FRMD4A: variants seen among roughly 807,000 people sequenced by gnomAD.
The protein encoded by FRMD4A is FERM domain-containing protein 4A.
In FRMD4A, 29 loss-of-function variants were observed where a neutral mutation model predicts 129.1. The observed-to-expected ratio is 0.22, with a 90% CI of 0.17 to 0.31. The LOEUF is 0.31. Ranked by LOEUF, FRMD4A falls within the 10% of genes least tolerant of loss-of-function variation. FRMD4A has a pLI of 1.00. For missense variants in FRMD4A, 1,272 were observed against 1,375.8 expected, an observed-to-expected ratio of 0.92 and a Z score of 1.19; for synonymous variants, 634 against 571.6, an observed-to-expected ratio of 1.11 and a Z score of -1.56.
intron 2 of FRMD4A, among the ~76,000 whole-genome samples, chr10:14,109,898 G>A (rs1180780727): frequency 6.6e-6 from 1 of 151,262 alleles, no homozygotes; most frequent in Non-Finnish European, 1.5e-5. Flanking sequence ...CTTGAACCGG[G>A]AGGCAGAGGT....
intron 15 of FRMD4A, among the ~76,000 whole-genome samples, chr10:13,681,260 T>C (rs886465878): frequency 6.6e-6 from 1 of 152,210 alleles, no homozygotes; most frequent in African/African-American, 2.4e-5. Context: ...TGGAAGGGTG[T>C]GTCTCATCAT....
At chr10:13,889,076 C>T (rs551389894) in intron 2 of FRMD4A, among the ~76,000 whole-genome samples, 38 of 152,332 alleles carry the variant, frequency 2.5e-4, no homozygotes, top group South Asian at 1.4e-3. Context: ...CAAACACACA[C>T]GCACCAGCAT....
intron 2 of FRMD4A, among the ~76,000 whole-genome samples, chr10:14,307,781 C>A (rs1369222547): frequency 6.6e-6 from 1 of 152,122 alleles, no homozygotes; most frequent in African/African-American, 2.4e-5. Context: ...GCTCCACGAA[C>A]GATAAGGGAA....
At chr10:13,717,390 A>G (rs1056432380) in intron 12 of FRMD4A, among the ~76,000 whole-genome samples, 1 of 152,120 alleles carries the variant, frequency 6.6e-6, no homozygotes, top group South Asian at 2.1e-4. Context: ...CTCGGTTCAG[A>G]GCAACCTCTA....
At chr10:13,890,497 G>A in intron 2 of FRMD4A, 2 of 972,376 alleles carry the variant, frequency 2.1e-6, no homozygotes, top group Non-Finnish European at 2.4e-6. Context: ...AGGTGGAAGG[G>A]GGGTACCAGC....
chr10:13,960,103 C>T lies in FRMD4A; in HGVS notation c.46-101191G>A, dbSNP rs776928017. 7.9e-5 allele frequency among the ~76,000 whole-genome samples: 12 copies of T among 152,158 alleles called. 1 individual carries two copies. Among genetic ancestry groups the T allele is most frequent in the Admixed American group, 7.9e-4 (12 of 15,280 alleles). On this transcript the variant is annotated intron_variant, in intron 2 of 24. Coordinates refer to ENST00000357447, the MANE Select transcript of FRMD4A (RefSeq NM_018027.5). ...CAGGGCTGTTTAGATTTCTAGGAAC[C>T]ACTATCTCTGTGAACTTCACTCTGC...
At chr10:13,716,159 C>T (rs531661136) in intron 12 of FRMD4A, among the ~76,000 whole-genome samples, 5 of 152,106 alleles carry the variant, frequency 3.3e-5, no homozygotes, top group Non-Finnish European at 7.3e-5. Flanking sequence ...CCCATTCATT[C>T]GTTTGTGCTG....
intron 2 of FRMD4A, among the ~76,000 whole-genome samples, chr10:13,922,342 C>T (rs1450123782): frequency 1.3e-5 from 2 of 151,460 alleles, no homozygotes; most frequent in African/African-American, 2.4e-5. Flanking sequence ...TAAAGACAGG[C>T]AATGGTCTTT....
At chr10:14,249,632 G>A (rs1472141636) in intron 2 of FRMD4A, among the ~76,000 whole-genome samples, 1 of 152,178 alleles carries the variant, frequency 6.6e-6, no homozygotes, top group Non-Finnish European at 1.5e-5. Context: ...TCACTTACAG[G>A]AATGTCACTG....
chr10:14,229,491 T>C (rs750740511), intron 2 of FRMD4A, among the ~76,000 whole-genome samples: 12 of 152,184 alleles, frequency 7.9e-5, no homozygotes, highest in Non-Finnish European at 1.2e-4. Context: ...TGTACTCTTA[T>C]GATTTGAGCA....
At position 13,827,875 on chromosome 10, in the gene FRMD4A, T is replaced by C. The variant is rs2093727261; in HGVS notation, c.112-16967A>G. ...TCCTGCCTGCTTCGGGGAGCCCTGC[T>C]CTTTAATGCTGGGCTCAACTGCTGT... On this transcript the variant is annotated intron_variant, in intron 3 of 24. Coordinates refer to ENST00000357447, the MANE Select transcript of FRMD4A (RefSeq NM_018027.5). 2.0e-5 allele frequency among the ~76,000 whole-genome samples: 3 copies of C among 152,212 alleles called. No homozygotes were observed. The South Asian group carries it at 6.2e-4, about 31-fold the overall frequency.
chr10:14,156,871 T>C (rs142940818), intron 2 of FRMD4A, among the ~76,000 whole-genome samples: 38 of 152,334 alleles, frequency 2.5e-4, no homozygotes, highest in African/African-American at 8.9e-4. Context: ...CATCCTTTGT[T>C]AGTCTATCAA....
intron 3 of FRMD4A, among the ~76,000 whole-genome samples, chr10:13,850,419 AGGAAG>A (rs2094124965): frequency 6.6e-6 from 1 of 152,220 alleles, no homozygotes; most frequent in Non-Finnish European, 1.5e-5. Flanking sequence ...GGAAAGTGAC[AGGAAG>A]GCGACCATTA....
intron 2 of FRMD4A, among the ~76,000 whole-genome samples, chr10:14,329,788 G>T (rs963381109): frequency 1.3e-5 from 2 of 152,146 alleles, no homozygotes; most frequent in Admixed American, 6.5e-5. Flanking sequence ...AATCTATTTC[G>T]AGGGGCTCTT....
chr10:14,019,858 A>G (rs184538740), intron 2 of FRMD4A, among the ~76,000 whole-genome samples: 458 of 152,312 alleles, frequency 3.0e-3, no homozygotes, highest in African/African-American at 8.7e-3. Context: ...ATTTAATCCA[A>G]TGAGAAATGT....
At chr10:14,065,376 G>T (rs1846065646) in intron 2 of FRMD4A, among the ~76,000 whole-genome samples, 1 of 152,068 alleles carries the variant, frequency 6.6e-6, no homozygotes. Context: ...GTAGAGACAG[G>T]GTTTCACCAT....
chr10:13,918,825 G>T (rs567000988), intron 2 of FRMD4A, among the ~76,000 whole-genome samples: 1 of 151,194 alleles, frequency 6.6e-6, no homozygotes, highest in Middle Eastern at 3.4e-3. Context: ...ATCATGCCCC[G>T]CCAGTCAATA....
At chr10:14,222,825 T>A (rs1429206812) in intron 2 of FRMD4A, among the ~76,000 whole-genome samples, 2 of 152,210 alleles carry the variant, frequency 1.3e-5, no homozygotes, top group Non-Finnish European at 2.9e-5. Flanking sequence ...CTCATGCCTG[T>A]AATCCCAGCA....
At chr10:13,720,388 T>A (rs1343621105) in intron 12 of FRMD4A, among the ~76,000 whole-genome samples, 1 of 152,128 alleles carries the variant, frequency 6.6e-6, no homozygotes, top group African/African-American at 2.4e-5. Flanking sequence ...GAGGCCACTA[T>A]CCACAGACAT....
Sources: allele counts gnomAD v4.1 joint callset (sites outside exome capture counted in the v4.1 genomes callset), GRCh38; gene constraint gnomAD v4.1.1; transcripts MANE v1.5; gene names NCBI Gene and HGNC (gene_info 2026-07-23, HGNC 2026-07-21).